The following PHAX variants were observed in gnomAD, a reference collection of about 807,000 sequenced individuals.
PHAX encodes phosphorylated adaptor for RNA export, also known as phosphorylated adapter RNA export protein.
A neutral mutation model predicts 41.6 loss-of-function variants in PHAX; 31 were observed. That is an observed-to-expected ratio of 0.75 (90% CI 0.56 to 1.01). The LOEUF (loss-of-function observed/expected upper bound fraction) is 1.01, where lower values mean the gene tolerates loss of function less well. Among genes scored for constraint, PHAX ranks in the 50% least tolerant of loss-of-function variants. PHAX has a pLI of 0.00. For synonymous variants in PHAX, 175 were observed against 164.9 expected, an observed-to-expected ratio of 1.06 and a Z score of -0.47; for missense variants, 453 against 472.9, an observed-to-expected ratio of 0.96 and a Z score of 0.39.
At position 126,608,446 on chromosome 5, in the gene PHAX, A is replaced by G. The variant is rs749412559; in HGVS notation, c.793A>G (p.Thr265Ala). ...NKKAIELLME[T>A]AEVEQNGGLF... The stretch of plus-strand genomic sequence containing the variant: ...AAAGGCAATTGAACTTCTGATGGAA[A>G]CCGCTGAAGTTGAACAAAATGGTGG... Residue 265 changes from threonine to alanine, a missense_variant, in exon 3 of 5, where the codon ACC (threonine) becomes GCC (alanine). Transcript: ENST00000297540. 3 of 1,613,856 alleles carry G rather than the reference A, an allele frequency of 1.9e-6. No homozygotes were observed. In the Admixed American group the frequency reaches 5.0e-5, roughly 27 times the overall value.
Position 126,604,091 on chromosome 5 carries a change from G to A in PHAX, c.618G>A (p.Arg206=), listed in dbSNP as rs148859349. The A allele has an allele frequency of 1.1e-5, 17 of 1,613,054 alleles. No individual in the cohort carries two copies. In the African/African-American group the frequency reaches 1.5e-4, roughly 14 times the overall value. The part of the protein sequence containing the change: ...HLKRKRPVKD[R]LGNRPEMNYK... ...AAAGGAAACGACCTGTCAAAGACAG[G>A]CTAGGGAACAGACCAGAAATGAACT... The change falls in exon 2 of 5, where the codon AGG becomes AGA. Residue 206 remains arginine (R), a synonymous_variant. Transcript: ENST00000297540.
intron 3 of PHAX, among the ~76,000 whole-genome samples, chr5:126,614,207 T>G (rs1752150003): frequency 1.3e-5 from 2 of 152,068 alleles, no homozygotes; most frequent in South Asian, 4.1e-4. Flanking sequence ...CAAACAATTC[T>G]CCTGCCCTCA....
chr5:126,604,297 G>A lies in PHAX; in HGVS notation c.710+114G>A, dbSNP rs1751956493. On this transcript the variant is annotated intron_variant, in intron 2 of 4. Transcript: ENST00000297540. ...TCCTTTTTTTTTTTTTTTTTTTGGAGACAGGGTCTTGCTCTGTCACCCAGG... is the reference window on the plus strand; with the variant it reads ...TCCTTTTTTTTTTTTTTTTTTTGGAAACAGGGTCTTGCTCTGTCACCCAGG... 59 of 737,458 alleles carry A rather than the reference G, an allele frequency of 8.0e-5. 2 individuals carry two copies. In the South Asian group the frequency reaches 1.4e-3, roughly 17 times the overall value. The allele number at this position is 737,458 out of a possible 1,614,324, so 45.7% of individuals were successfully genotyped here.
Position 126,617,189 on chromosome 5 carries a change from G to C in PHAX, c.832-61G>C. 3.0e-6 allele frequency: 3 copies of C among 999,636 alleles called. No individual in the cohort carries two copies. In the South Asian group the frequency reaches 4.3e-5, roughly 14 times the overall value. The allele number at this position is 999,636 out of a possible 1,614,324, so 61.9% of individuals were successfully genotyped here. A position where few individuals can be genotyped will look rare whatever the true frequency, so the allele number is the denominator to read the frequency against. Reference sequence around the variant, plus strand: ...CCCCTTAATTGTGTCTCTGTTAAAAGATGCCTTGACCATTTATGGGAAGAG... The same window carrying C: ...CCCCTTAATTGTGTCTCTGTTAAAACATGCCTTGACCATTTATGGGAAGAG... On this transcript the variant is annotated intron_variant, in intron 3 of 4. Transcript: ENST00000297540.
In PHAX at chr5:126,604,639, C is replaced by T. The variant is rs548850430; in HGVS notation, c.710+456C>T. On this transcript the variant is annotated intron_variant, in intron 2 of 4. Coordinates refer to ENST00000297540, the MANE Select transcript of PHAX (RefSeq NM_032177.4). ...GCTGGAGTGCAGTGCTGCAATCACA[C>T]CTCACTGGAACCTAGAACTCTTGGG... 3.6e-4 allele frequency among the ~76,000 whole-genome samples: 55 copies of T among 151,788 alleles called. No individual in the cohort carries two copies. The East Asian group carries it at 4.1e-3, about 11-fold the overall frequency.
Position 126,624,793 on chromosome 5 carries a change from G to A in PHAX, c.1134G>A (p.Glu378=). The A allele has an allele frequency of 6.2e-7, 1 of 1,613,394 alleles. No homozygotes were observed. Among genetic ancestry groups the A allele is most frequent in the Admixed American group, 1.7e-5 (1 of 59,916 alleles). Residue 378 remains glutamate, a synonymous_variant, in exon 5 of 5, where the codon GAG becomes GAA. Coordinates refer to ENST00000297540, the MANE Select transcript of PHAX (RefSeq NM_032177.4). ...SQEGHAEAKL[E]AEEAIEVDHS... ...AAGGACATGCAGAAGCCAAGTTGGAGGCAGAGGAAGCCATTGAAGTTGATC... is the reference window on the plus strand; with the variant it reads ...AAGGACATGCAGAAGCCAAGTTGGAAGCAGAGGAAGCCATTGAAGTTGATC...
Position 126,604,052 on chromosome 5 carries a change from G to A in PHAX, c.579G>A (p.Gly193=). The A allele has an allele frequency of 6.2e-7, 1 of 1,613,816 alleles. No individual in the cohort carries two copies. Among genetic ancestry groups the A allele is most frequent in the Non-Finnish European group, 8.5e-7 (1 of 1,179,970 alleles). ...KKMGSKEEEN[G]QGHLKRKRPV... ...TGGGATCAAAGGAAGAGGAAAATGG[G>A]CAAGGTCATCTCAAAAGGAAACGAC... Residue 193 remains glycine, a synonymous_variant, in exon 2 of 5, where the codon GGG becomes GGA. Transcript: ENST00000297540.
intron 4 of PHAX, among the ~76,000 whole-genome samples, chr5:126,624,342 A>G (rs1752315224): frequency 6.6e-6 from 1 of 152,110 alleles, no homozygotes; most frequent in South Asian, 2.1e-4. Flanking sequence ...TAGAGATGAT[A>G]CATTAAGGTA....
chr5:126,611,051 TGTTTG>T (rs1752088015), intron 3 of PHAX, among the ~76,000 whole-genome samples: 1 of 92,602 alleles, frequency 1.1e-5, no homozygotes, highest in African/African-American at 6.3e-5. Context: ...TCTTTTCGTT[TGTTTG>T]TTTGTTTGTT....
In PHAX at chr5:126,617,348, C is replaced by T. The variant is rs184617288; in HGVS notation, c.915+15C>T. On this transcript the variant is annotated intron_variant, in intron 4 of 4. Transcript: ENST00000297540. ...AACAAATTAAGGTAATGATAATGTC[C>T]TCACCTCTTAAGCGCCATCATAATT... 386 of 1,493,526 alleles carry T rather than the reference C, an allele frequency of 2.6e-4. No individual in the cohort carries two copies. The African/African-American group carries it at 4.7e-3, about 18-fold the overall frequency. 92.5% of individuals were successfully genotyped at this position (1,493,526 alleles called of 1,614,324 possible).
Position 126,624,645 on chromosome 5 carries a change from T to A in PHAX, c.986T>A (p.Val329Glu), listed in dbSNP as rs1043644704. 3 of 1,613,128 alleles carry A rather than the reference T, an allele frequency of 1.9e-6. No homozygotes were observed. Among genetic ancestry groups the A allele is most frequent in the Non-Finnish European group, 2.5e-6 (3 of 1,179,422 alleles). Residue 329 changes from valine (V) to glutamate (E), a missense_variant, in exon 5 of 5, where the codon GTG (valine) becomes GAG (glutamate). By Grantham distance (121) the Val-to-Glu change is moderately radical. Transcript: ENST00000297540. ...KKAARKRRTQVLGKKMKQAIK... is the reference protein window; with the variant it reads ...KKAARKRRTQELGKKMKQAIK... The stretch of plus-strand genomic sequence containing the variant: ...GCTGCTAGGAAGAGGAGAACACAAG[T>A]GTTGGGGAAAAAGATGAAACAAGCT...
Position 126,603,938 on chromosome 5 carries a change from G to C in PHAX, c.465G>C (p.Leu155Phe), listed in dbSNP as rs1297677123. 1.9e-5 allele frequency: 31 copies of C among 1,614,088 alleles called. No homozygotes were observed. The highest frequency in any genetic ancestry group is 2.6e-5 in the Non-Finnish European group (31 of 1,180,030). The change falls in exon 2 of 5, where the codon TTG becomes TTC. Residue 155 changes from leucine (L) to phenylalanine (F), a missense_variant. Physicochemically the swap from Leu to Phe is conservative, Grantham distance 22. Transcript: ENST00000297540. ...GACAATCCGAGACCTACAATTATTT[G>C]CTTGCCAAGAAACTTAGGAAGGAAT... ...RSRQSETYNY[L>F]LAKKLRKESQ... is the part of the protein sequence containing the mutation.
chr5:126,622,359 C>T (rs1245115225), intron 4 of PHAX, among the ~76,000 whole-genome samples: 1 of 151,406 alleles, frequency 6.6e-6, no homozygotes, highest in Non-Finnish European at 1.5e-5. Flanking sequence ...GTCTCGATCT[C>T]CTGACCTCGT....
chr5:126,617,066 T>G (rs1752197273), intron 3 of PHAX, among the ~76,000 whole-genome samples, 184 bp from the exon 4 acceptor site: 1 of 152,158 alleles, frequency 6.6e-6, no homozygotes, highest in Non-Finnish European at 1.5e-5. Context: ...ATTTTATAGA[T>G]GAAGAAACTG....
chr5:126,627,210 A>G lies in PHAX; in HGVS notation c.*2366A>G, dbSNP rs531155703. 1 of 152,312 alleles carries G rather than the reference A, an allele frequency of 6.6e-6. No homozygotes were observed. Among genetic ancestry groups the G allele is most frequent in the Non-Finnish European group, 1.5e-5 (1 of 68,026 alleles). 9.4% of individuals were successfully genotyped at this position (152,312 alleles called of 1,614,324 possible). ...AGTGGTTATCGGTTGCTTTTTATTT[A>G]TAAAGGATGCAAAAATAAAATTAGA... On this transcript the variant is annotated 3_prime_UTR_variant, in exon 5 of 5. Coordinates refer to ENST00000297540, the MANE Select transcript of PHAX (RefSeq NM_032177.4).
rs533510438 is a variant in PHAX at position 126,602,933 on chromosome 5, A to G, written c.97-637A>G. 8.6e-5 allele frequency among the ~76,000 whole-genome samples: 13 copies of G among 151,340 alleles called. No individual in the cohort carries two copies. The East Asian group carries it at 2.5e-3, about 29-fold the overall frequency. On this transcript the variant is annotated intron_variant, in intron 1 of 4. Transcript: ENST00000297540. ...GGCAGGAGAATGGTGTGAACCCGGG[A>G]GGCGGAGCTTGCAGTGAGCCGAGAT...
chr5:126,601,522 GAT>G (rs1312690482), intron 1 of PHAX, among the ~76,000 whole-genome samples: 2 of 152,340 alleles, frequency 1.3e-5, no homozygotes, highest in East Asian at 3.9e-4. Context: ...AACAGCCTGT[GAT>G]GCTCATTTTC....
intron 1 of PHAX, 57 bp from the exon 2 acceptor site, chr5:126,603,509 AAATT>A (rs1052076276): frequency 2.0e-6 from 3 of 1,520,480 alleles, no homozygotes; most frequent in Non-Finnish European, 1.8e-6. Context: ...AAATTTTTAA[AAATT>A]AGGTAGGTGG....
At chr5:126,622,368 G>A (rs571867816) in intron 4 of PHAX, among the ~76,000 whole-genome samples, 58 of 150,328 alleles carry the variant, frequency 3.9e-4, no homozygotes, top group African/African-American at 1.3e-3. Context: ...TCCTGACCTC[G>A]TGATCCGCCC....
Sources: gnomAD v4.1 joint callset for allele counts (sites outside exome capture counted in the v4.1 genomes callset) on GRCh38, gnomAD v4.1.1 for gene constraint, MANE v1.5 for transcripts, NCBI Gene and HGNC (gene_info 2026-07-23, HGNC 2026-07-21) for gene names.